LDLRAD4: variants seen among roughly 807,000 people sequenced by gnomAD.
LDLRAD4 encodes the protein low-density lipoprotein receptor class A domain-containing protein 4.
LDLRAD4 carries 5 observed loss-of-function variants against 17.0 expected under a neutral mutation model. That is an observed-to-expected ratio of 0.29 (90% CI 0.15 to 0.62). LDLRAD4 has a LOEUF of 0.62. LDLRAD4 is among the 20% of genes least tolerant of loss of function. The pLI, the probability that LDLRAD4 is intolerant of heterozygous loss-of-function variation, is 0.84. For synonymous variants in LDLRAD4, 168 were observed against 171.8 expected, an observed-to-expected ratio of 0.98 and a Z score of 0.17; for missense variants, 340 against 424.7, an observed-to-expected ratio of 0.80 and a Z score of 1.75.
chr18:13,431,121 G>A (rs896948846), intron 2 of LDLRAD4, among the ~76,000 whole-genome samples: 3 of 152,032 alleles, frequency 2.0e-5, no homozygotes, highest in African/African-American at 7.2e-5. Flanking sequence ...GATTTTTATT[G>A]TGCCTGATTA....
At chr18:13,293,321 C>T (rs1159588193) in intron 1 of LDLRAD4, among the ~76,000 whole-genome samples, 2 of 152,156 alleles carry the variant, frequency 1.3e-5, no homozygotes, top group Admixed American at 1.3e-4. Flanking sequence ...TAGCCAATCT[C>T]CTGTGTGAGT....
intron 3 of LDLRAD4, among the ~76,000 whole-genome samples, chr18:13,536,671 T>TA (rs1389690880): frequency 6.6e-6 from 1 of 152,158 alleles, no homozygotes; most frequent in African/African-American, 2.4e-5. Context: ...TAAAAGCATT[T>TA]AAAAAAATAG....
chr18:13,374,308 G>A (rs1378195543), intron 1 of LDLRAD4, among the ~76,000 whole-genome samples: 2 of 152,238 alleles, frequency 1.3e-5, no homozygotes, highest in African/African-American at 2.4e-5. Flanking sequence ...CCAGAGCTGG[G>A]TCATGGACTG....
At chr18:13,478,188 C>T (rs1289821262) in intron 3 of LDLRAD4, among the ~76,000 whole-genome samples, 1 of 152,176 alleles carries the variant, frequency 6.6e-6, no homozygotes, top group African/African-American at 2.4e-5. Context: ...TGAGAGCCTG[C>T]AGCATTGGCA....
chr18:13,479,805 AGAT>A (rs1455448582), intron 3 of LDLRAD4, among the ~76,000 whole-genome samples: 1 of 152,242 alleles, frequency 6.6e-6, no homozygotes, highest in African/African-American at 2.4e-5. Context: ...GAAAATATGC[AGAT>A]GGAAAATAAG....
chr18:13,616,634 C>T (rs1482145468), intron 3 of LDLRAD4, among the ~76,000 whole-genome samples: 1 of 152,192 alleles, frequency 6.6e-6, no homozygotes, highest in Non-Finnish European at 1.5e-5. Flanking sequence ...TCACCTGCAG[C>T]CAGGGACCAA....
intron 2 of LDLRAD4, among the ~76,000 whole-genome samples, chr18:13,434,331 T>C (rs1328922268): frequency 6.6e-6 from 1 of 152,068 alleles, no homozygotes; most frequent in Non-Finnish European, 1.5e-5. Flanking sequence ...GGGCATGACT[T>C]TTTTTTAAGA....
intron 3 of LDLRAD4, chr18:13,470,668 T>A (rs2092743973): frequency 6.6e-6 from 1 of 150,862 alleles, no homozygotes; most frequent in South Asian, 2.1e-4. Flanking sequence ...TCGCTGACCC[T>A]CTGGTCATGG....
intron 3 of LDLRAD4, 142 bp downstream of exon 4, chr18:13,438,526 C>A: frequency 1.4e-6 from 1 of 707,428 alleles, no homozygotes; most frequent in Non-Finnish European, 2.4e-6. Flanking sequence ...ATGTTTTCTT[C>A]TTTTAGGATA....
chr18:13,410,578 A>C (rs971233589), intron 2 of LDLRAD4, among the ~76,000 whole-genome samples: 5 of 152,242 alleles, frequency 3.3e-5, no homozygotes, highest in Admixed American at 1.3e-4. Context: ...CTTAATCTGC[A>C]TTAATGGATG....
At position 13,602,396 on chromosome 18, in the gene LDLRAD4, T is replaced by C. The variant is rs566739019; in HGVS notation, c.182-18721T>C. ...CAGGATATCTGACTGCAAATCCACA[T>C]CCTTCCCAAAGCAGTATATTGGTTG... On this transcript the variant is annotated intron_variant, in intron 3 of 5. Coordinates refer to ENST00000359446, the Ensembl canonical transcript of LDLRAD4. 5.3e-5 allele frequency among the ~76,000 whole-genome samples: 8 copies of C among 152,192 alleles called. No individual in the cohort carries two copies. In the South Asian group the frequency reaches 1.0e-3, roughly 20 times the overall value.
At chr18:13,499,238 T>C (rs1261213845) in intron 3 of LDLRAD4, among the ~76,000 whole-genome samples, 1 of 106,936 alleles carries the variant, frequency 9.4e-6, no homozygotes, top group Admixed American at 9.3e-5. Context: ...CGCCACACAC[T>C]TCCCACCGTG....
chr18:13,574,623 G>A (rs1046036447), intron 3 of LDLRAD4, among the ~76,000 whole-genome samples: 19 of 152,156 alleles, frequency 1.2e-4, no homozygotes, highest in Admixed American at 2.0e-4. Flanking sequence ...CGGCTTTGAC[G>A]CTCATGGAGC....
At chr18:13,611,826 G>GCAGT (rs1401223241) in intron 3 of LDLRAD4, 1 of 985,534 alleles carries the variant, frequency 1.0e-6, no homozygotes, top group Non-Finnish European at 1.2e-6. Flanking sequence ...TTCCTGCTGC[G>GCAGT]GTTAGGACCT....
At chr18:13,451,453 GAGTGGA>G (rs752439105) in intron 3 of LDLRAD4, among the ~76,000 whole-genome samples, 1 of 152,160 alleles carries the variant, frequency 6.6e-6, no homozygotes, top group Non-Finnish European at 1.5e-5. Flanking sequence ...CTTGCATGAT[GAGTGGA>G]AGCTCCCTGA....
chr18:13,517,888 G>A (rs1378474764), intron 3 of LDLRAD4, among the ~76,000 whole-genome samples: 4 of 152,242 alleles, frequency 2.6e-5, no homozygotes, highest in East Asian at 1.9e-4. Flanking sequence ...ACAGGCGCCC[G>A]CCACCACGCC....
At chr18:13,533,293 C>T (rs1213077986) in intron 3 of LDLRAD4, among the ~76,000 whole-genome samples, 1 of 152,144 alleles carries the variant, frequency 6.6e-6, no homozygotes, top group African/African-American at 2.4e-5. Context: ...TATTTCTGGT[C>T]CCCAACTACT....
chr18:13,485,680 A>G (rs929083929), intron 3 of LDLRAD4, among the ~76,000 whole-genome samples: 2 of 152,150 alleles, frequency 1.3e-5, no homozygotes, highest in African/African-American at 4.8e-5. Flanking sequence ...AATTATCCCT[A>G]TATGTCACAT....
Position 13,564,093 on chromosome 18 carries a change from T to TG in LDLRAD4, c.182-57019dup, listed in dbSNP as rs900980074. ...GATAATTGTGGTTTTTTTGTAAAGA[T>TG]GGGGGTCTCACTTTGTTGCCCAGGC... On this transcript the variant is annotated intron_variant, in intron 3 of 5. Transcript: ENST00000359446. Among the ~76,000 whole-genome samples, 287 of 152,172 alleles carry TG rather than the reference T, an allele frequency of 1.9e-3. 1 individual carries two copies. Among genetic ancestry groups the TG allele is most frequent in the African/African-American group, 6.8e-3 (283 of 41,518 alleles).
Sources: gnomAD v4.1 joint callset for allele counts (sites outside exome capture counted in the v4.1 genomes callset) on GRCh38, gnomAD v4.1.1 for gene constraint, MANE v1.5 for transcripts, NCBI Gene and HGNC (gene_info 2026-07-23, HGNC 2026-07-21) for gene names.